The following ST7 variants were observed in gnomAD, a reference collection of about 807,000 sequenced individuals.
The protein encoded by ST7 is suppressor of tumorigenicity 7 protein.
A neutral mutation model predicts 78.7 loss-of-function variants in ST7; 28 were observed. That is an observed-to-expected ratio of 0.36 (90% CI 0.26 to 0.49). The LOEUF is 0.49. Among genes scored for constraint, ST7 ranks in the 20% least tolerant of loss-of-function variants. ST7 has a pLI of 0.99. For missense variants in ST7, 418 were observed against 696.0 expected (o/e 0.60, Z 4.49); for synonymous variants, 247 against 249.6 (o/e 0.99, Z 0.10).
intron 10 of ST7, among the ~76,000 whole-genome samples, chr7:117,183,422 C>T (rs1482502022): frequency 6.8e-6 from 1 of 147,448 alleles, no homozygotes; most frequent in Non-Finnish European, 1.5e-5. Context: ...AAAACTCTGT[C>T]TAAAAAAAAA....
At chr7:117,004,912 G>A (rs188401790) in intron 1 of ST7, among the ~76,000 whole-genome samples, 1 of 152,228 alleles carries the variant, frequency 6.6e-6, no homozygotes, top group Admixed American at 6.5e-5. Flanking sequence ...TGATTCAAGT[G>A]GAATTAGGAG....
At chr7:117,136,406 AT>A in intron 8 of ST7, 171 bp downstream of exon 8, 1 of 719,322 alleles carries the variant, frequency 1.4e-6, no homozygotes. Flanking sequence ...TTAGTAAATA[AT>A]TAACTTACAG....
chr7:116,970,132 A>C (rs987773672), intron 1 of ST7, among the ~76,000 whole-genome samples: 2 of 152,120 alleles, frequency 1.3e-5, no homozygotes, highest in Non-Finnish European at 2.9e-5. Flanking sequence ...AAGGAAAGCT[A>C]TGTTATAGAG....
chr7:117,203,220 C>T (rs1045628644), intron 12 of ST7, among the ~76,000 whole-genome samples: 1 of 152,200 alleles, frequency 6.6e-6, no homozygotes, highest in Non-Finnish European at 1.5e-5. Flanking sequence ...CTACTTCACT[C>T]CTTTGGAGAG....
chr7:117,033,689 G>A (rs138802982), intron 1 of ST7, among the ~76,000 whole-genome samples: 1,778 of 152,284 alleles, frequency 0.012, 26 homozygotes, highest in Non-Finnish European at 0.02. Flanking sequence ...CTTCCAAAGT[G>A]CTGGGATTAC....
Position 117,219,531 on chromosome 7 carries a change from T to C in ST7, c.1498+355T>C, listed in dbSNP as rs1333512621. ...GCTCTTCAGCTGGACAGATGTGGTC[T>C]GCACCGACCGGAGTTTGAAGAGGAG... On this transcript the variant is annotated intron_variant, in intron 14 of 15. Transcript: ENST00000323984. The surrounding 1 kb of genome is among the most constrained non-coding windows in gnomAD (Gnocchi z 5.1). Among the ~76,000 whole-genome samples the C allele has an allele frequency of 1.3e-5, 2 of 152,214 alleles. No individual in the cohort carries two copies. Among genetic ancestry groups the C allele is most frequent in the African/African-American group, 4.8e-5 (2 of 41,450 alleles).
intron 1 of ST7, among the ~76,000 whole-genome samples, chr7:117,042,214 C>A (rs1797267555): frequency 6.6e-6 from 1 of 152,092 alleles, no homozygotes; most frequent in African/African-American, 2.4e-5. Context: ...AGATCAATTA[C>A]TTTCTTTTTA....
At chr7:116,977,280 A>G (rs1793747973) in intron 1 of ST7, among the ~76,000 whole-genome samples, 1 of 152,226 alleles carries the variant, frequency 6.6e-6, no homozygotes, top group Non-Finnish European at 1.5e-5. Flanking sequence ...TATATTCCAA[A>G]CTACTCTTTC....
At chr7:117,074,059 A>G (rs909753349) in intron 1 of ST7, 25 of 152,220 alleles carry the variant, frequency 1.6e-4, no homozygotes, top group Middle Eastern at 6.3e-3. Context: ...GTGCTCTAAC[A>G]ATATAGAAAC....
intron 1 of ST7, among the ~76,000 whole-genome samples, chr7:117,040,137 G>T (rs1181885860): frequency 2.0e-5 from 3 of 152,158 alleles, no homozygotes; most frequent in Non-Finnish European, 4.4e-5. Context: ...ACTTTGGGAG[G>T]CAGAGGTGGG....
intron 1 of ST7, among the ~76,000 whole-genome samples, chr7:117,031,065 C>G (rs1412062185): frequency 1.3e-5 from 2 of 152,024 alleles, no homozygotes; most frequent in East Asian, 1.9e-4. Flanking sequence ...AGGCCATTAT[C>G]CTTAGCAAAC....
At chr7:117,199,577 T>C (rs1173690745) in intron 12 of ST7, among the ~76,000 whole-genome samples, 1 of 152,202 alleles carries the variant, frequency 6.6e-6, no homozygotes, top group African/African-American at 2.4e-5. Context: ...TTCCTGCTGC[T>C]GTCCATCAGC....
At chr7:116,959,109 A>G in intron 1 of ST7, 1 of 452,034 alleles carries the variant, frequency 2.2e-6, no homozygotes, top group South Asian at 1.6e-5. Flanking sequence ...CGGCTTTATC[A>G]ATGAAGTTTA....
intron 12 of ST7, among the ~76,000 whole-genome samples, chr7:117,204,102 C>T (rs1444301316): frequency 1.3e-5 from 2 of 152,148 alleles, no homozygotes; most frequent in Non-Finnish European, 1.5e-5. Flanking sequence ...TAATGACCCT[C>T]GTTAGCCCAG....
intron 1 of ST7, among the ~76,000 whole-genome samples, chr7:116,991,074 A>G (rs1472938079): frequency 6.6e-6 from 1 of 152,136 alleles, no homozygotes. Context: ...TTCTCGTTGC[A>G]TTGGTTTGCA....
At chr7:117,048,509 C>A (rs1261498075) in intron 1 of ST7, among the ~76,000 whole-genome samples, 1 of 152,072 alleles carries the variant, frequency 6.6e-6, no homozygotes, top group African/African-American at 2.4e-5. Context: ...CATCTTTATC[C>A]AGTTGCCTTC....
intron 15 of ST7, chr7:117,223,147 A>G: frequency 1.6e-6 from 1 of 613,448 alleles, no homozygotes; most frequent in South Asian, 1.9e-5. Context: ...TGTCAGTTCT[A>G]ACCTCCTAAG....
intron 3 of ST7, among the ~76,000 whole-genome samples, chr7:117,128,599 T>C (rs1255366632): frequency 6.6e-6 from 1 of 151,908 alleles, no homozygotes; most frequent in Non-Finnish European, 1.5e-5. Context: ...TGAAAACACG[T>C]ATTCCTGTTA....
chr7:116,972,137 G>A (rs1402936265), intron 1 of ST7: 5 of 553,854 alleles, frequency 9.0e-6, no homozygotes, highest in Non-Finnish European at 1.4e-5. Context: ...TCAGAGGGAG[G>A]AGCAGCAGCA....
Sources: gnomAD v4.1 joint callset for allele counts (sites outside exome capture counted in the v4.1 genomes callset) on GRCh38, gnomAD v4.1.1 for gene constraint, Gnocchi (gnomAD v3.1) non-coding constraint, MANE v1.5 for transcripts, NCBI Gene and HGNC (gene_info 2026-07-23, HGNC 2026-07-21) for gene names.